Variants in AGBL4 observed in about 807,000 individuals in gnomAD.
The protein encoded by AGBL4 is cytosolic carboxypeptidase 6.
In AGBL4, 58 loss-of-function variants were observed where a neutral mutation model predicts 66.4. That is an observed-to-expected ratio of 0.87 (90% CI 0.71 to 1.09). AGBL4 has a LOEUF of 1.09. Among genes scored for constraint, AGBL4 ranks in the 50% least tolerant of loss-of-function variants. The pLI is 0.00. For missense variants in AGBL4, 579 were observed against 631.0 expected (o/e 0.92, Z 0.88); for synonymous variants, 234 against 222.9 (o/e 1.05, Z -0.44).
chr1:48,608,334 G>T (rs1362634726), intron 9 of AGBL4, among the ~76,000 whole-genome samples: 1 of 152,206 alleles, frequency 6.6e-6, no homozygotes, highest in East Asian at 1.9e-4. Context: ...CTGTAAAGAA[G>T]AAGGGATCTT....
At chr1:49,587,761 G>T (rs1319957048) in intron 3 of AGBL4, among the ~76,000 whole-genome samples, 2 of 152,100 alleles carry the variant, frequency 1.3e-5, no homozygotes, top group South Asian at 2.1e-4. Flanking sequence ...ACAGCAACTT[G>T]TTGTTTGCAA....
At chr1:48,732,123 G>C (rs1648234605) in intron 6 of AGBL4, among the ~76,000 whole-genome samples, 1 of 152,090 alleles carries the variant, frequency 6.6e-6, no homozygotes, top group South Asian at 2.1e-4. Context: ...GATGGGTAGT[G>C]AGGGATGTGG....
chr1:49,064,737 G>T (rs1192891060), intron 4 of AGBL4, among the ~76,000 whole-genome samples: 1 of 152,080 alleles, frequency 6.6e-6, no homozygotes, highest in African/African-American at 2.4e-5. Flanking sequence ...TTACGTTTTA[G>T]AACAATAATG....
chr1:48,717,768 A>G (rs1274297045), intron 6 of AGBL4, among the ~76,000 whole-genome samples: 1 of 152,230 alleles, frequency 6.6e-6, no homozygotes, highest in Non-Finnish European at 1.5e-5. Context: ...TTTGATGAAA[A>G]GAACAGTGGA....
chr1:49,625,221 T>C (rs762551363), intron 3 of AGBL4, among the ~76,000 whole-genome samples: 11 of 152,182 alleles, frequency 7.2e-5, no homozygotes, highest in Non-Finnish European at 1.2e-4. Flanking sequence ...TACTACTCCC[T>C]TATGTATATC....
intron 5 of AGBL4, among the ~76,000 whole-genome samples, chr1:49,011,575 T>A (rs570571980): frequency 2.0e-5 from 3 of 152,120 alleles, no homozygotes; most frequent in Non-Finnish European, 4.4e-5. Flanking sequence ...TAAAGACACA[T>A]GCACACATAT....
intron 3 of AGBL4, among the ~76,000 whole-genome samples, chr1:49,425,513 A>T (rs568425359): frequency 6.6e-6 from 1 of 152,162 alleles, no homozygotes; most frequent in Non-Finnish European, 1.5e-5. Context: ...TGTGTAATTT[A>T]TTGTTTCTTT....
chr1:49,166,418 T>C (rs1205038040), intron 4 of AGBL4, among the ~76,000 whole-genome samples: 1 of 152,148 alleles, frequency 6.6e-6, no homozygotes, highest in Non-Finnish European at 1.5e-5. Context: ...AAAGTCTATC[T>C]GCCTACCTTT....
chr1:49,351,600 A>G (rs967121132), intron 3 of AGBL4, among the ~76,000 whole-genome samples: 1 of 152,158 alleles, frequency 6.6e-6, no homozygotes, highest in African/African-American at 2.4e-5. Context: ...CCCATTCCCT[A>G]TCTTTATTTA....
In AGBL4 at chr1:48,678,173, C is replaced by T. The variant is rs116435157; in HGVS notation, c.635-14932G>A. 5.1e-3 allele frequency among the ~76,000 whole-genome samples: 772 copies of T among 152,268 alleles called. 2 individuals carry two copies. The highest frequency in any genetic ancestry group is 8.7e-3 in the Non-Finnish European group (591 of 68,010). On this transcript the variant is annotated intron_variant, in intron 6 of 13. Transcript: ENST00000371839. ...GGCCTTCTCAGCACAGCCAGCACCA[C>T]GGTGGGGTAACTGCACAGCTGCTGG...
chr1:49,119,357 A>C (rs1018312766), intron 4 of AGBL4, among the ~76,000 whole-genome samples: 3 of 152,180 alleles, frequency 2.0e-5, no homozygotes, highest in African/African-American at 7.2e-5. Context: ...TTCCCTCTAC[A>C]CACTGCTTTA....
intron 6 of AGBL4, among the ~76,000 whole-genome samples, chr1:48,712,453 G>A (rs887296702): frequency 3.9e-5 from 6 of 152,152 alleles, no homozygotes; most frequent in African/African-American, 9.7e-5. Context: ...AGCAAAATGA[G>A]GCCTTTACCT....
chr1:49,735,699 T>C (rs531902878), intron 2 of AGBL4, among the ~76,000 whole-genome samples: 17 of 152,160 alleles, frequency 1.1e-4, no homozygotes, highest in Non-Finnish European at 1.9e-4. Flanking sequence ...CAGGAGACTA[T>C]CATTGTGATA....
chr1:49,826,596 C>T (rs1645516204), intron 2 of AGBL4, among the ~76,000 whole-genome samples: 1 of 152,088 alleles, frequency 6.6e-6, no homozygotes, highest in South Asian at 2.1e-4. Context: ...CCTGTATAGA[C>T]AAAGAAGGCA....
Position 49,822,429 on chromosome 1 carries a change from C to T in AGBL4, c.157+28967G>A, listed in dbSNP as rs12066074. On this transcript the variant is annotated intron_variant, in intron 2 of 13. Coordinates refer to ENST00000371839, the MANE Select transcript of AGBL4 (RefSeq NM_032785.4). ...CTGCAACCTCCACCTCCTGGGTTCA[C>T]GCAATTCTCCTGCCTTAGCCTCCTG... Among the ~76,000 whole-genome samples, 671 of 151,968 alleles carry T rather than the reference C, an allele frequency of 4.4e-3. 9 individuals are homozygous for T. The highest frequency in any genetic ancestry group is 0.015 in the African/African-American group (621 of 41,466).
chr1:48,634,560 G>T lies in AGBL4; in HGVS notation c.884C>A (p.Pro295His). Residue 295 changes from proline (P) to histidine (H), a missense_variant, in exon 9 of 14, where the codon CCC (proline) becomes CAC (histidine). Transcript: ENST00000371839. ...GFDLNRHWLD[P>H]SPWVHPTLHG... Reference sequence around the variant, plus strand: ...CAGGGTAGGATGGACCCATGGAGAGGGATCCAGCCAGTGACGATTCAGATC... The same window carrying T: ...CAGGGTAGGATGGACCCATGGAGAGTGATCCAGCCAGTGACGATTCAGATC... 1 of 1,606,618 alleles carries T rather than the reference G, an allele frequency of 6.2e-7. No individual in the cohort carries two copies. The highest frequency in any genetic ancestry group is 2.2e-5 in the East Asian group (1 of 44,570).
chr1:49,606,760 A>G (rs900674367), intron 3 of AGBL4, among the ~76,000 whole-genome samples: 1 of 152,136 alleles, frequency 6.6e-6, no homozygotes, highest in Non-Finnish European at 1.5e-5. Flanking sequence ...AATATGAATC[A>G]GGATTCCAGC....
At chr1:49,218,357 GATAGCATAGGCA>G (rs1470374288) in intron 4 of AGBL4, among the ~76,000 whole-genome samples, 2 of 152,106 alleles carry the variant, frequency 1.3e-5, no homozygotes, top group Admixed American at 6.6e-5. Context: ...AAGAAGGGGA[GATAGCATAGGCA>G]AAAACAATGA....
intron 3 of AGBL4, among the ~76,000 whole-genome samples, chr1:49,280,061 C>T (rs1316628724): frequency 6.6e-6 from 1 of 152,128 alleles, no homozygotes; most frequent in East Asian, 1.9e-4. Flanking sequence ...TTCGAGATAT[C>T]TTTTCAGGAT....
Sources: allele counts gnomAD v4.1 joint callset (sites outside exome capture counted in the v4.1 genomes callset), GRCh38; gene constraint gnomAD v4.1.1; transcripts MANE v1.5; gene names NCBI Gene and HGNC (gene_info 2026-07-23, HGNC 2026-07-21).